SLC34A2: variants seen among roughly 807,000 people sequenced by gnomAD.
SLC34A2 encodes the protein sodium-dependent phosphate transport protein 2B.
In SLC34A2, 41 loss-of-function variants were observed where a neutral mutation model predicts 50.8. That is an observed-to-expected ratio of 0.81 (90% CI 0.63 to 1.05). The LOEUF is 1.05. SLC34A2 is among the 50% of genes least tolerant of loss of function. The probability of loss-of-function intolerance (pLI) is 0.00; values close to 1 mark genes in which losing one functional copy is unlikely to be tolerated. For missense variants in SLC34A2, 879 were observed against 876.7 expected (o/e 1.00, Z -0.03); for synonymous variants, 401 against 364.2 (o/e 1.10, Z -1.15).
chr4:25,676,466 T>C lies in SLC34A2; in HGVS notation c.1790T>C (p.Met597Thr). The change falls in exon 13 of 13, where the codon ATG (methionine) becomes ACG (threonine). Residue 597 changes from methionine (M) to threonine (T), a missense_variant. Met to Thr is a moderately conservative substitution (Grantham distance 81, BLOSUM62 -1). Transcript: ENST00000382051. The stretch of plus-strand genomic sequence containing the variant: ...AACTGGAACTTCCTGCCGCTGTGGA[T>C]GCGCTCGCTGAAGCCCTGGGATGCC... ...LQNWNFLPLW[M>T]RSLKPWDAVV... 3 of 1,614,210 alleles carry C rather than the reference T, an allele frequency of 1.9e-6. No individual in the cohort carries two copies. The highest frequency in any genetic ancestry group is 1.3e-5 in the African/African-American group (1 of 75,064).
Position 25,676,855 on chromosome 4 carries a change from C to A in SLC34A2, c.*106C>A. On this transcript the variant is annotated 3_prime_UTR_variant, in exon 13 of 13. Coordinates refer to ENST00000382051, the MANE Select transcript of SLC34A2 (RefSeq NM_006424.3). ...CACCACCTCGAGGAGATTTGCTCCC[C>A]ATTAGCGAATGAAATTGATGCAGTC... 2.7e-6 allele frequency: 4 copies of A among 1,502,236 alleles called. No homozygotes were observed. Among genetic ancestry groups the A allele is most frequent in the Admixed American group, 1.8e-5 (1 of 54,830 alleles). 93.1% of individuals were successfully genotyped at this position (1,502,236 alleles called of 1,614,324 possible).
At chr4:25,660,401 A>C (rs2109046483) in intron 1 of SLC34A2, among the ~76,000 whole-genome samples, 1 of 152,352 alleles carries the variant, frequency 6.6e-6, no homozygotes, top group East Asian at 1.9e-4. Context: ...CGTGTGATGA[A>C]CATAAGGCAC....
rs185796938 is a variant in SLC34A2 at position 25,665,048 on chromosome 4, A to G, written c.379+718A>G. On this transcript the variant is annotated intron_variant, in intron 4 of 12. Transcript: ENST00000382051. ...TCAGATCTGGGTGACACAAAGGACC[A>G]TGGATTTCTGCAACCCTTGGTGCCT... The G allele has an allele frequency of 1.3e-3, 296 of 224,386 alleles. 2 individuals carry two copies. Among genetic ancestry groups the G allele is most frequent in the African/African-American group, 5.6e-3 (252 of 44,776 alleles). The allele number at this position is 224,386 out of a possible 1,614,324, so 13.9% of individuals were successfully genotyped here.
intron 4 of SLC34A2, chr4:25,665,097 C>T (rs1714420681): frequency 4.8e-6 from 1 of 207,718 alleles, no homozygotes; most frequent in Non-Finnish European, 9.7e-6. Flanking sequence ...ATCTGTGTGA[C>T]TTGGGAGAGT....
At chr4:25,656,810 C>G (rs926178422) in intron 1 of SLC34A2, among the ~76,000 whole-genome samples, 55 of 152,140 alleles carry the variant, frequency 3.6e-4, no homozygotes, top group Non-Finnish European at 1.0e-4. Context: ...TTTCATCACT[C>G]GAGTCCCCTC....
At chr4:25,667,443 T>A (rs1017824047) in intron 5 of SLC34A2, among the ~76,000 whole-genome samples, 6 of 151,864 alleles carry the variant, frequency 4.0e-5, no homozygotes, top group African/African-American at 1.5e-4. Flanking sequence ...ACCTGGGAGG[T>A]AGAGGTTGCA....
At chr4:25,658,851 A>T (rs1013604056) in intron 1 of SLC34A2, among the ~76,000 whole-genome samples, 1 of 152,040 alleles carries the variant, frequency 6.6e-6, no homozygotes, top group African/African-American at 2.4e-5. Flanking sequence ...AAAGGCTTAG[A>T]GGGGCTCAGA....
intron 7 of SLC34A2, 54 bp from the exon 8 acceptor site, chr4:25,670,684 T>G (rs891203611): frequency 7.1e-7 from 1 of 1,411,228 alleles, no homozygotes; most frequent in African/African-American, 1.4e-5. Context: ...TGGGTTTGTG[T>G]CCTAAATCGG....
In SLC34A2 at chr4:25,670,972, A is replaced by G. The variant is rs1714784601; in HGVS notation, c.927+139A>G. 5.5e-6 allele frequency: 4 copies of G among 721,592 alleles called. No homozygotes were observed. The East Asian group carries it at 1.1e-4, about 19-fold the overall frequency. 44.7% of individuals were successfully genotyped at this position (721,592 alleles called of 1,614,324 possible). On this transcript the variant is annotated intron_variant, in intron 8 of 12. Coordinates refer to ENST00000382051, the MANE Select transcript of SLC34A2 (RefSeq NM_006424.3). ...AGTCCCTGAAAAATCAAAAGTGACC[A>G]GTGAATGCCTTTAGAAAACAAGTCC...
At chr4:25,667,548 T>C (rs928976128) in intron 5 of SLC34A2, among the ~76,000 whole-genome samples, 2 of 152,144 alleles carry the variant, frequency 1.3e-5, no homozygotes, top group Non-Finnish European at 2.9e-5. Context: ...AAAAAACTGA[T>C]GCTTCCTTAA....
chr4:25,669,583 C>A, intron 6 of SLC34A2, 64 bp from the exon 7 acceptor site: 1 of 1,445,714 alleles, frequency 6.9e-7, no homozygotes, highest in Non-Finnish European at 9.7e-7. Context: ...CAGGTAATGA[C>A]CCACCTCACA....
rs1401524182 is a variant in SLC34A2 at position 25,662,782 on chromosome 4, A to G, written c.190A>G (p.Thr64Ala). Residue 64 changes from threonine (T) to alanine (A), a missense_variant, in exon 3 of 13, where the codon ACT becomes GCT. Transcript: ENST00000382051. Reference protein sequence around the residue: ...YSTATLIDEPTEVDDPWNLPT... With the variant: ...YSTATLIDEPAEVDDPWNLPT... ...CACGGCTACACTGATAGATGAGCCC[A>G]CTGAGGTGGATGACCCCTGGAACCT... 6.2e-7 allele frequency: 1 copy of G among 1,614,106 alleles called. No individual in the cohort carries two copies. Among genetic ancestry groups the G allele is most frequent in the African/African-American group, 1.3e-5 (1 of 75,014 alleles).
Position 25,676,473 on chromosome 4 carries a change from G to T in SLC34A2, c.1797G>T (p.Ser599=), listed in dbSNP as rs1278962049. The change falls in exon 13 of 13, where the codon TCG becomes TCT. Residue 599 remains serine (S), a synonymous_variant. Transcript: ENST00000382051. ...NWNFLPLWMR[S]LKPWDAVVSK... Reference sequence around the variant, plus strand: ...ACTTCCTGCCGCTGTGGATGCGCTCGCTGAAGCCCTGGGATGCCGTCGTCT... The same window carrying T: ...ACTTCCTGCCGCTGTGGATGCGCTCTCTGAAGCCCTGGGATGCCGTCGTCT... The T allele has an allele frequency of 1.2e-6, 2 of 1,614,050 alleles. No individual in the cohort carries two copies. The highest frequency in any genetic ancestry group is 2.2e-5 in the East Asian group (1 of 44,880).
chr4:25,676,560 G>A lies in SLC34A2; in HGVS notation c.1884G>A (p.Ala628=), dbSNP rs141191689. 9.1e-5 allele frequency: 147 copies of A among 1,612,490 alleles called. No homozygotes were observed. The highest frequency in any genetic ancestry group is 1.2e-4 in the Non-Finnish European group (143 of 1,178,776). Residue 628 remains alanine (A), a synonymous_variant, in exon 13 of 13, where the codon GCG becomes GCA. Transcript: ENST00000382051. The stretch of plus-strand genomic sequence containing the variant: ...GCTGCTGCCGCGTGTGCTGCCGCGC[G>A]TGCTGCTTGCTGTGTGACTGCCCCA... ...CCCCCRVCCR[A]CCLLCDCPKC... is the part of the protein sequence containing the mutation.
chr4:25,657,006 TA>T (rs1365787634), intron 1 of SLC34A2, among the ~76,000 whole-genome samples: 1 of 152,124 alleles, frequency 6.6e-6, no homozygotes, highest in Non-Finnish European at 1.5e-5. Context: ...AAAACAAAAA[TA>T]AAAAAGATTG....
Position 25,658,604 on chromosome 4 carries a change from G to T in SLC34A2, c.-4+2714G>T, listed in dbSNP as rs189821385. On this transcript the variant is annotated intron_variant, in intron 1 of 12. Coordinates refer to ENST00000382051, the MANE Select transcript of SLC34A2 (RefSeq NM_006424.3). ...GAATAAGAGCTCTTTCTGGCAGTGG[G>T]TGCCCATGTGGTGCAGGAAGTGGAG... Among the ~76,000 whole-genome samples the T allele has an allele frequency of 3.3e-3, 503 of 152,298 alleles. 2 individuals are homozygous for T. The highest frequency in any genetic ancestry group is 7.0e-3 in the South Asian group (34 of 4,826).
rs546389201 is a variant in SLC34A2 at position 25,671,586 on chromosome 4, A to G, written c.928-15A>G. ...AAAGCCAGTGTTGTGGGCATTTGTC[A>G]TGTTTGTCATCCAGACCCAGATTAA... is the stretch of plus-strand genomic sequence containing the variant. On this transcript the variant is annotated splice_polypyrimidine_tract_variant and intron_variant, in intron 8 of 12. Coordinates refer to ENST00000382051, the MANE Select transcript of SLC34A2 (RefSeq NM_006424.3). 3.5e-5 allele frequency: 57 copies of G among 1,613,826 alleles called. No homozygotes were observed. Among genetic ancestry groups the G allele is most frequent in the Middle Eastern group, 1.6e-4 (1 of 6,084 alleles).
At chr4:25,665,420 C>T (rs1295994338) in intron 4 of SLC34A2, among the ~76,000 whole-genome samples, 3 of 151,978 alleles carry the variant, frequency 2.0e-5, no homozygotes, top group East Asian at 1.9e-4. Context: ...GCCCGTCCTC[C>T]GCCTCCCGAA....
At chr4:25,659,151 C>G (rs1249101067) in intron 1 of SLC34A2, among the ~76,000 whole-genome samples, 1 of 152,018 alleles carries the variant, frequency 6.6e-6, no homozygotes, top group Non-Finnish European at 1.5e-5. Flanking sequence ...TGTGGAAAAG[C>G]TTCTGGCTTT....
Sources: allele counts gnomAD v4.1 joint callset (sites outside exome capture counted in the v4.1 genomes callset), GRCh38; gene constraint gnomAD v4.1.1; transcripts MANE v1.5; gene names NCBI Gene and HGNC (gene_info 2026-07-23, HGNC 2026-07-21).